Variants in NUCB1 observed in about 807,000 individuals in gnomAD.
NUCB1 encodes nucleobindin-1.
Under a neutral mutation model 61.2 loss-of-function variants are expected in NUCB1, and 47 were observed. The observed-to-expected ratio is 0.77, with a 90% CI of 0.61 to 0.98. The LOEUF (loss-of-function observed/expected upper bound fraction) is 0.98. Ranked by LOEUF, NUCB1 falls within the 50% of genes least tolerant of loss-of-function variation. The pLI is 0.00. For synonymous variants in NUCB1, 234 were observed against 243.1 expected, an observed-to-expected ratio of 0.96 and a Z score of 0.35; for missense variants, 583 against 605.3, an observed-to-expected ratio of 0.96 and a Z score of 0.39.
Position 48,921,239 on chromosome 19 carries a change from C to A in NUCB1, c.1088C>A (p.Ala363Asp). 6.2e-7 allele frequency: 1 copy of A among 1,612,612 alleles called. No homozygotes were observed. ...GCTGCCCGGGAGGCAGAGCTGAATG[C>A]CAAGGCCCAGCGCCTCAGCCAGGAG... ...ELAAREAELN[A>D]KAQRLSQETE... The change falls in exon 11 of 13, where the codon GCC becomes GAC. Residue 363 changes from alanine (A) to aspartate (D), a missense_variant. By Grantham distance (126) the Ala-to-Asp change is moderately radical. Transcript: ENST00000405315.
chr19:48,908,721 G>GGTGGGTGT (rs780595245), intron 4 of NUCB1, among the ~76,000 whole-genome samples: 3,194 of 109,366 alleles, frequency 0.029, 97 homozygotes, highest in South Asian at 0.081. Flanking sequence ...TTGACCAAGG[G>GGTGGGTGT]GTGTGTGTGT....
At chr19:48,916,199 T>TGTGTGTGTGTGTGTGTGTGTG in intron 7 of NUCB1, among the ~76,000 whole-genome samples, 1 of 151,940 alleles carries the variant, frequency 6.6e-6, no homozygotes, top group African/African-American at 2.4e-5. Flanking sequence ...TGTGTGTGTG[T>TGTGTGTGTGTGTGTGTGTGTG]TTGGCTTATT....
intron 7 of NUCB1, among the ~76,000 whole-genome samples, chr19:48,914,037 G>A (rs973122795): frequency 4.7e-5 from 7 of 147,974 alleles, no homozygotes; most frequent in Non-Finnish European, 8.9e-5. Context: ...GCATGACCTC[G>A]GCTCACTGCA....
At chr19:48,906,833 G>A (rs1474237660) in intron 4 of NUCB1, among the ~76,000 whole-genome samples, 3 of 152,060 alleles carry the variant, frequency 2.0e-5, no homozygotes, top group Non-Finnish European at 4.4e-5. Context: ...TGCTCCATTT[G>A]CTTTGTCACT....
In NUCB1 at chr19:48,919,063, G is replaced by A. The variant is rs2037575285; in HGVS notation, c.850G>A (p.Asp284Asn). Reference protein sequence around the residue: ...EKVYDPKNEEDDMREMEEERL... With the variant: ...EKVYDPKNEENDMREMEEERL... ...AGTGTACGACCCAAAGAATGAGGAG[G>A]ACGACATGCGGGAGATGGAGGAGGA... The change falls in exon 9 of 13, where the codon GAC becomes AAC. Residue 284 changes from aspartate to asparagine, a missense_variant. Asp to Asn is a conservative substitution (Grantham distance 23). Transcript: ENST00000405315. 1 of 1,614,134 alleles carries A rather than the reference G, an allele frequency of 6.2e-7. No homozygotes were observed. Among genetic ancestry groups the A allele is most frequent in the Non-Finnish European group, 8.5e-7 (1 of 1,180,030 alleles).
At chr19:48,910,332 T>A (rs1022825968) in intron 4 of NUCB1, among the ~76,000 whole-genome samples, 4 of 151,272 alleles carry the variant, frequency 2.6e-5, no homozygotes. Flanking sequence ...CCCCTTGGCC[T>A]CCCAAAGTGC....
chr19:48,912,190 A>C (rs887737901), intron 5 of NUCB1, among the ~76,000 whole-genome samples: 1 of 151,540 alleles, frequency 6.6e-6, no homozygotes, highest in African/African-American at 2.4e-5. Flanking sequence ...GCACCAGGCT[A>C]ATTTTAAAAA....
Position 48,922,710 on chromosome 19 carries a change from C to G in NUCB1, c.*286C>G, listed in dbSNP as rs1013230309. 7 of 382,886 alleles carry G rather than the reference C, an allele frequency of 1.8e-5. No homozygotes were observed. In the East Asian group the frequency reaches 3.9e-4, roughly 21 times the overall value. 23.7% of individuals were successfully genotyped at this position (382,886 alleles called of 1,614,324 possible). On this transcript the variant is annotated 3_prime_UTR_variant, in exon 13 of 13. Coordinates refer to ENST00000405315, the MANE Select transcript of NUCB1 (RefSeq NM_006184.6). ...CTTAACTTAGAGAAGCCCGCCCCCT[C>G]CCCTTCTCCGTCTGTCCCAAGAGGG...
intron 4 of NUCB1, among the ~76,000 whole-genome samples, chr19:48,910,205 T>A (rs1341402488): frequency 6.6e-6 from 1 of 151,696 alleles, no homozygotes; most frequent in African/African-American, 2.4e-5. Context: ...GCCTCCCAAG[T>A]AGCTGGGGCT....
chr19:48,901,422 G>A (rs991911870), intron 2 of NUCB1, among the ~76,000 whole-genome samples: 1 of 152,176 alleles, frequency 6.6e-6, no homozygotes. Context: ...GATCCTGAAG[G>A]TCAGTGAGTG....
At chr19:48,902,156 G>A (rs889012645) in intron 2 of NUCB1, among the ~76,000 whole-genome samples, 1 of 152,166 alleles carries the variant, frequency 6.6e-6, no homozygotes, top group African/African-American at 2.4e-5. Context: ...CTGTCACCAG[G>A]CTGGAGTGCA....
At chr19:48,904,304 G>A (rs770808022) in intron 2 of NUCB1, 43 bp from the exon 3 acceptor site, 1 of 1,329,930 alleles carries the variant, frequency 7.5e-7, no homozygotes, top group Admixed American at 1.7e-5. Flanking sequence ...GGTGGGGATG[G>A]GGATGGGAGC....
intron 2 of NUCB1, among the ~76,000 whole-genome samples, chr19:48,903,533 G>A (rs1279681362): frequency 7.9e-6 from 1 of 126,224 alleles, no homozygotes; most frequent in African/African-American, 3.0e-5. Flanking sequence ...TGGATGGGTG[G>A]GTGGATGGAT....
intron 4 of NUCB1, chr19:48,910,898 A>G (rs1290042945): frequency 2.8e-6 from 1 of 355,006 alleles, no homozygotes; most frequent in African/African-American, 2.1e-5. Context: ...ATACAGTTAA[A>G]GTGCTTAGGG....
chr19:48,903,197 C>G (rs530515768), intron 2 of NUCB1, among the ~76,000 whole-genome samples: 1 of 151,978 alleles, frequency 6.6e-6, no homozygotes, highest in Non-Finnish European at 1.5e-5. Context: ...GATATATTGC[C>G]TATTTTATAA....
At chr19:48,907,442 AT>A (rs2037424916) in intron 4 of NUCB1, among the ~76,000 whole-genome samples, 1 of 151,504 alleles carries the variant, frequency 6.6e-6, no homozygotes, top group Non-Finnish European at 1.5e-5. Context: ...CACCTGGCTA[AT>A]TTTGTATTTT....
intron 12 of NUCB1, 36 bp downstream of exon 12, chr19:48,921,968 G>A (rs1313009843): frequency 4.7e-6 from 7 of 1,497,654 alleles, no homozygotes; most frequent in Non-Finnish European, 5.5e-6. Context: ...GGGCTGCAGG[G>A]CTGGACCCCT....
chr19:48,901,624 C>T (rs915054274), intron 2 of NUCB1, among the ~76,000 whole-genome samples: 2 of 152,142 alleles, frequency 1.3e-5, no homozygotes, highest in South Asian at 2.1e-4. Flanking sequence ...ATTAGCTGGG[C>T]GTGGTGGCTC....
At position 48,921,146 on chromosome 19, in the gene NUCB1, C is replaced by T; in HGVS notation, c.1003-8C>T. 1 of 1,600,570 alleles carries T rather than the reference C, an allele frequency of 6.2e-7. No homozygotes were observed. Among genetic ancestry groups the T allele is most frequent in the Non-Finnish European group, 8.5e-7 (1 of 1,171,590 alleles). On this transcript the variant is annotated splice_region_variant and splice_polypyrimidine_tract_variant and intron_variant, in intron 10 of 12. Transcript: ENST00000405315. ...GTGCCCCTGATGGCCCCTGTGCCTG[C>T]CCTGCAGACAGTGGAGATGCACCCT... is the stretch of plus-strand genomic sequence containing the variant.
Sources: gnomAD v4.1 joint callset for allele counts (sites outside exome capture counted in the v4.1 genomes callset) on GRCh38, gnomAD v4.1.1 for gene constraint, MANE v1.5 for transcripts, NCBI Gene and HGNC (gene_info 2026-07-23, HGNC 2026-07-21) for gene names.